The following STXBP5 variants were observed in gnomAD, a reference collection of about 807,000 sequenced individuals.
The protein encoded by STXBP5 is syntaxin binding protein 5, also known as syntaxin-binding protein 5.
A neutral mutation model predicts 152.4 loss-of-function variants in STXBP5; 50 were observed. The observed-to-expected ratio is 0.33, with a 90% CI of 0.26 to 0.42. STXBP5 has a LOEUF of 0.42. Among genes scored for constraint, STXBP5 ranks in the 10% least tolerant of loss-of-function variants. STXBP5 has a pLI of 1.00. For missense variants in STXBP5, 1,167 were observed against 1,388.6 expected, an observed-to-expected ratio of 0.84 and a Z score of 2.54; for synonymous variants, 492 against 494.7, an observed-to-expected ratio of 0.99 and a Z score of 0.07.
chr6:147,360,635 T>TAA lies in STXBP5; in HGVS notation c.2545+1312_2545+1313insAA, dbSNP rs145305214. Among the ~76,000 whole-genome samples the TAA allele has an allele frequency of 7.5e-3, 1,142 of 152,302 alleles. 10 individuals are homozygous for TAA. The highest frequency in any genetic ancestry group is 0.026 in the African/African-American group (1,065 of 41,566). ...AGTGCATTTTTAAACATTCTACACATGGTTATTTTTCATCTCCAAGTGTGA... is the reference window on the plus strand; with the variant it reads ...AGTGCATTTTTAAACATTCTACACATAAGGTTATTTTTCATCTCCAAGTGTGA... On this transcript the variant is annotated intron_variant, in intron 23 of 27. Transcript: ENST00000321680.
intron 7 of STXBP5, among the ~76,000 whole-genome samples, chr6:147,271,277 G>A (rs1334857036): frequency 1.3e-5 from 2 of 152,008 alleles, no homozygotes; most frequent in East Asian, 1.9e-4. Flanking sequence ...AGTAATATTA[G>A]CAGTAATCAA....
intron 16 of STXBP5, among the ~76,000 whole-genome samples, chr6:147,324,274 T>G (rs1448072249): frequency 4.8e-5 from 6 of 125,608 alleles, no homozygotes; most frequent in African/African-American, 1.5e-4. Flanking sequence ...GTTTTTTTTT[T>G]TTTTTTTTTT....
chr6:147,310,647 A>G (rs1782325518), intron 10 of STXBP5, among the ~76,000 whole-genome samples: 1 of 152,102 alleles, frequency 6.6e-6, no homozygotes, highest in Admixed American at 6.6e-5. Context: ...AAATTCAGGA[A>G]GGCATTCATG....
At chr6:147,350,802 A>G (rs552138340) in intron 21 of STXBP5, among the ~76,000 whole-genome samples, 2 of 152,148 alleles carry the variant, frequency 1.3e-5, no homozygotes, top group African/African-American at 4.8e-5. Context: ...AAATCATACT[A>G]TGTGCCAGGT....
intron 26 of STXBP5, among the ~76,000 whole-genome samples, chr6:147,375,346 T>C (rs1017761345): frequency 6.6e-6 from 1 of 152,078 alleles, no homozygotes; most frequent in African/African-American, 2.4e-5. Context: ...TAGCAGTAGA[T>C]GTGAAAAAAC....
intron 25 of STXBP5, among the ~76,000 whole-genome samples, chr6:147,367,070 A>G (rs1785324032): frequency 6.6e-6 from 1 of 152,212 alleles, no homozygotes; most frequent in Non-Finnish European, 1.5e-5. Context: ...TAAAACAATA[A>G]CAACTGCGTT....
intron 18 of STXBP5, among the ~76,000 whole-genome samples, chr6:147,327,721 C>T (rs190404601): frequency 1.7e-3 from 264 of 152,274 alleles, no homozygotes; most frequent in Admixed American, 5.4e-3. Flanking sequence ...GGATTACAGG[C>T]GTGAGGCACC....
chr6:147,353,601 CCT>C (rs1463531170), intron 22 of STXBP5, among the ~76,000 whole-genome samples: 3 of 151,862 alleles, frequency 2.0e-5, no homozygotes, highest in Non-Finnish European at 2.9e-5. Context: ...TTTTCTTAGC[CCT>C]CTCATAGTTT....
intron 16 of STXBP5, among the ~76,000 whole-genome samples, chr6:147,318,380 A>T (rs1782748299): frequency 6.6e-6 from 1 of 152,154 alleles, no homozygotes; most frequent in Non-Finnish European, 1.5e-5. Flanking sequence ...GAGCAAGGAT[A>T]ATAGTTAAGG....
In STXBP5 at chr6:147,207,141, A is replaced by C. The variant is rs79545719; in HGVS notation, c.248+1073A>C. On this transcript the variant is annotated intron_variant, in intron 2 of 27. Transcript: ENST00000321680. ...GAAGGAGTGAGGGAACCTGCATTTG[A>C]GTTAAACATGTGCCAGGCATTTTAC... 0.02 allele frequency among the ~76,000 whole-genome samples: 2,994 copies of C among 152,270 alleles called. 202 individuals are homozygous for C. In the East Asian group the frequency reaches 0.27, roughly 14 times the overall value.
chr6:147,332,084 C>T (rs975122494), intron 18 of STXBP5, among the ~76,000 whole-genome samples: 3 of 152,298 alleles, frequency 2.0e-5, no homozygotes, highest in Non-Finnish European at 4.4e-5. Context: ...TAGGTTTGAA[C>T]AGAGCCTAGG....
intron 25 of STXBP5, among the ~76,000 whole-genome samples, chr6:147,371,130 A>G (rs899926113): frequency 6.6e-6 from 1 of 152,082 alleles, no homozygotes; most frequent in Non-Finnish European, 1.5e-5. Context: ...AATACCATCT[A>G]CTATGAATAG....
intron 19 of STXBP5, among the ~76,000 whole-genome samples, chr6:147,337,670 G>T (rs980806306): frequency 3.3e-5 from 5 of 151,766 alleles, no homozygotes; most frequent in Non-Finnish European, 7.4e-5. Context: ...TGGCTATTTT[G>T]TAGAGATAGT....
At chr6:147,373,585 C>A in intron 25 of STXBP5, 146 bp from the exon 26 acceptor site, 1 of 531,594 alleles carries the variant, frequency 1.9e-6, no homozygotes, top group Non-Finnish European at 3.3e-6. Context: ...CGTTCTGTAT[C>A]TGATCGTAGG....
intron 25 of STXBP5, among the ~76,000 whole-genome samples, chr6:147,371,785 A>T (rs1387766871): frequency 6.6e-6 from 1 of 152,176 alleles, no homozygotes; most frequent in Admixed American, 6.5e-5. Context: ...AATTCTAAAA[A>T]TGAGGTAAAA....
chr6:147,257,524 T>G (rs1055046554), intron 4 of STXBP5, among the ~76,000 whole-genome samples: 2 of 152,010 alleles, frequency 1.3e-5, no homozygotes, highest in African/African-American at 4.8e-5. Context: ...GTAAAAGATG[T>G]ACTTAAAAAT....
intron 25 of STXBP5, among the ~76,000 whole-genome samples, chr6:147,367,359 C>A (rs1785335916): frequency 6.6e-6 from 1 of 152,152 alleles, no homozygotes; most frequent in African/African-American, 2.4e-5. Context: ...TGAGAAAAGG[C>A]CAGGCGTGGT....
At chr6:147,221,595 G>T (rs926876113) in intron 2 of STXBP5, among the ~76,000 whole-genome samples, 2 of 147,804 alleles carry the variant, frequency 1.4e-5, no homozygotes, top group East Asian at 2.0e-4. Flanking sequence ...CTCTCTTCTT[G>T]CCTGCATGGT....
intron 26 of STXBP5, among the ~76,000 whole-genome samples, chr6:147,378,756 C>T (rs1785932416): frequency 6.6e-6 from 1 of 151,816 alleles, no homozygotes; most frequent in South Asian, 2.1e-4. Flanking sequence ...TAATCATATA[C>T]AAAAATAAAA....
Sources: allele counts gnomAD v4.1 joint callset (sites outside exome capture counted in the v4.1 genomes callset), GRCh38; gene constraint gnomAD v4.1.1; transcripts MANE v1.5; gene names NCBI Gene and HGNC (gene_info 2026-07-23, HGNC 2026-07-21).